ROBO1: variants seen among roughly 807,000 people sequenced by gnomAD.
ROBO1 encodes the protein roundabout guidance receptor 1.
In ROBO1, 149 loss-of-function variants were observed where a neutral mutation model predicts 195.9. That is an observed-to-expected ratio of 0.76 (90% CI 0.67 to 0.87). The LOEUF (loss-of-function observed/expected upper bound fraction) is 0.87. ROBO1 is among the 40% of genes least tolerant of loss of function. ROBO1 has a pLI of 0.00. For synonymous variants in ROBO1, 816 were observed against 733.2 expected, an observed-to-expected ratio of 1.11 and a Z score of -1.82; for missense variants, 1,933 against 2,068.3, an observed-to-expected ratio of 0.93 and a Z score of 1.27.
intron 2 of ROBO1, among the ~76,000 whole-genome samples, chr3:79,164,947 C>T (rs890957528): frequency 5.3e-5 from 8 of 152,162 alleles, no homozygotes; most frequent in African/African-American, 1.9e-4. Flanking sequence ...TTTAAAATTA[C>T]AATAGATCCT....
At chr3:78,833,188 G>C (rs941574600) in intron 4 of ROBO1, among the ~76,000 whole-genome samples, 1 of 151,892 alleles carries the variant, frequency 6.6e-6, no homozygotes, top group African/African-American at 2.4e-5. Context: ...GATCATAAGG[G>C]CTCAATGCAC....
chr3:79,134,854 C>G (rs1360039701), intron 2 of ROBO1, among the ~76,000 whole-genome samples: 1 of 111,634 alleles, frequency 9.0e-6, no homozygotes, highest in Non-Finnish European at 1.8e-5. Flanking sequence ...CACATGGACA[C>G]AGGAAGGGGA....
chr3:79,452,841 G>C (rs2039490703), intron 2 of ROBO1, among the ~76,000 whole-genome samples: 1 of 151,886 alleles, frequency 6.6e-6, no homozygotes, highest in South Asian at 2.1e-4. Flanking sequence ...TCTTGGGGGA[G>C]AGATTTTAGC....
chr3:78,901,130 C>G (rs766902297), intron 4 of ROBO1, among the ~76,000 whole-genome samples: 2 of 152,160 alleles, frequency 1.3e-5, no homozygotes, highest in African/African-American at 2.4e-5. Flanking sequence ...ATTTTGCACA[C>G]GATGTCATGC....
At chr3:79,541,114 A>G (rs1218139667) in intron 2 of ROBO1, among the ~76,000 whole-genome samples, 1 of 152,152 alleles carries the variant, frequency 6.6e-6, no homozygotes, top group East Asian at 1.9e-4. Flanking sequence ...ATAGGTAACC[A>G]TATGCATATT....
chr3:79,440,956 C>T (rs1275833814), intron 2 of ROBO1, among the ~76,000 whole-genome samples: 1 of 152,082 alleles, frequency 6.6e-6, no homozygotes, highest in Admixed American at 6.6e-5. Context: ...ACCCAGTTTG[C>T]ACTTTGAAAC....
At chr3:79,601,664 T>A (rs1350261729) in intron 1 of ROBO1, among the ~76,000 whole-genome samples, 3 of 151,960 alleles carry the variant, frequency 2.0e-5, no homozygotes, top group Non-Finnish European at 4.4e-5. Flanking sequence ...AGTCTATGTG[T>A]TTCTGAAGAT....
intron 4 of ROBO1, among the ~76,000 whole-genome samples, chr3:78,908,217 C>T (rs756786459): frequency 7.9e-5 from 12 of 152,002 alleles, no homozygotes; most frequent in East Asian, 1.9e-4. Flanking sequence ...CATCCTGCAA[C>T]GATTCCCAGA....
rs146692042 is a variant in ROBO1, at chr3:78,897,540, C to A, written c.499+41061G>T. Among the ~76,000 whole-genome samples the A allele has an allele frequency of 2.6e-5, 4 of 152,186 alleles. No individual in the cohort carries two copies. The East Asian group carries it at 7.7e-4, about 29-fold the overall frequency. Reference sequence around the variant, plus strand: ...ATTACAATCTTAAATTAATGAGATACCTTTTGAAAGGACTTGTGTGTTGCA... The same window carrying A: ...ATTACAATCTTAAATTAATGAGATAACTTTTGAAAGGACTTGTGTGTTGCA... On this transcript the variant is annotated intron_variant, in intron 4 of 30. Coordinates refer to ENST00000464233, the MANE Select transcript of ROBO1 (RefSeq NM_002941.4).
chr3:78,954,862 G>A (rs2040961640), intron 3 of ROBO1, among the ~76,000 whole-genome samples: 1 of 151,590 alleles, frequency 6.6e-6, no homozygotes, highest in South Asian at 2.1e-4. Flanking sequence ...AATAAACCTT[G>A]CTTAACAAAA....
At chr3:79,026,910 T>TA (rs989964282) in intron 3 of ROBO1, among the ~76,000 whole-genome samples, 8 of 151,650 alleles carry the variant, frequency 5.3e-5, no homozygotes, top group Admixed American at 1.3e-4. Context: ...CATTGCTTTT[T>TA]AAAAAAAAAT....
chr3:79,496,071 G>C (rs1389121376), intron 2 of ROBO1, among the ~76,000 whole-genome samples: 2 of 151,752 alleles, frequency 1.3e-5, no homozygotes, highest in African/African-American at 4.8e-5. Context: ...ATATTAGCCA[G>C]GTGTGGTGGT....
intron 2 of ROBO1, among the ~76,000 whole-genome samples, chr3:79,207,981 C>T (rs759187070): frequency 7.2e-5 from 11 of 151,972 alleles, no homozygotes; most frequent in African/African-American, 2.2e-4. Flanking sequence ...TTTTTCGGAA[C>T]ATTAGTAAAA....
chr3:78,620,172 A>G (rs1409917315), intron 26 of ROBO1, among the ~76,000 whole-genome samples: 1 of 152,164 alleles, frequency 6.6e-6, no homozygotes, highest in Non-Finnish European at 1.5e-5. Context: ...ATAGAGAGGG[A>G]AAAATAACTT....
chr3:79,555,866 T>G (rs1576017357), intron 2 of ROBO1, among the ~76,000 whole-genome samples: 3 of 152,254 alleles, frequency 2.0e-5, no homozygotes. Context: ...ATGTTAGAGC[T>G]AATGTACTGG....
At chr3:79,018,656 GGAA>G (rs2078019219) in intron 3 of ROBO1, 1 of 1,404,172 alleles carries the variant, frequency 7.1e-7, no homozygotes, top group Admixed American at 2.8e-5. Flanking sequence ...CTTTTGCAGA[GGAA>G]GAATTCCAAG....
intron 2 of ROBO1, among the ~76,000 whole-genome samples, chr3:79,283,656 T>A (rs548510428): frequency 5.9e-5 from 9 of 152,178 alleles, no homozygotes; most frequent in Non-Finnish European, 1.2e-4. Flanking sequence ...TCAAACAAAG[T>A]ATATCAATGG....
intron 24 of ROBO1, among the ~76,000 whole-genome samples, chr3:78,632,851 TA>T (rs1377737551): frequency 6.6e-6 from 1 of 152,190 alleles, no homozygotes; most frequent in East Asian, 1.9e-4. Context: ...ATGATTTTCT[TA>T]AAAGTAGATC....
chr3:78,746,511 AG>A (rs1435758563), intron 5 of ROBO1, among the ~76,000 whole-genome samples: 9 of 152,210 alleles, frequency 5.9e-5, no homozygotes, highest in African/African-American at 2.2e-4. Flanking sequence ...ACACTAAAAC[AG>A]GAATTATAGT....
Sources: gnomAD v4.1 joint callset for allele counts (sites outside exome capture counted in the v4.1 genomes callset) on GRCh38, gnomAD v4.1.1 for gene constraint, MANE v1.5 for transcripts, NCBI Gene and HGNC (gene_info 2026-07-23, HGNC 2026-07-21) for gene names.